Variants in CLEC16A observed in about 807,000 individuals in gnomAD.
CLEC16A encodes the protein protein CLEC16A.
A neutral mutation model predicts 109.5 loss-of-function variants in CLEC16A; 51 were observed. That is an observed-to-expected ratio of 0.47 (90% confidence interval 0.37 to 0.59). CLEC16A has a LOEUF of 0.59. Among genes scored for constraint, CLEC16A ranks in the 20% least tolerant of loss-of-function variants. The pLI is 0.00. For missense variants in CLEC16A, 1,339 were observed against 1,394.0 expected (o/e 0.96, Z 0.63); for synonymous variants, 673 against 564.2 (o/e 1.19, Z -2.73).
chr16:11,131,213 C>G (rs1211263921), intron 22 of CLEC16A, among the ~76,000 whole-genome samples: 1 of 152,190 alleles, frequency 6.6e-6, no homozygotes, highest in East Asian at 1.9e-4. Context: ...CACTCTGTGG[C>G]TTTGAGTGCC....
intron 20 of CLEC16A, 66 bp downstream of exon 20, chr16:11,120,832 ACACACAC>A: frequency 8.3e-7 from 1 of 1,209,464 alleles, no homozygotes; most frequent in East Asian, 2.8e-5. Flanking sequence ...ACACACACAC[ACACACAC>A]CACACACAAT....
chr16:11,006,387 G>A (rs1395655067), intron 11 of CLEC16A, among the ~76,000 whole-genome samples: 2 of 152,168 alleles, frequency 1.3e-5, no homozygotes, highest in African/African-American at 4.8e-5. Flanking sequence ...CTGTATTTCT[G>A]GGTACTCCCC....
chr16:11,045,148 A>G (rs997970140), intron 16 of CLEC16A, among the ~76,000 whole-genome samples: 1 of 151,956 alleles, frequency 6.6e-6, no homozygotes. Flanking sequence ...GACCAAGACC[A>G]TTCTGGCTAA....
At chr16:10,981,245 A>G (rs1198076320) in intron 9 of CLEC16A, among the ~76,000 whole-genome samples, 1 of 152,234 alleles carries the variant, frequency 6.6e-6, no homozygotes, top group East Asian at 1.9e-4. Context: ...CGTAACGGAT[A>G]TTTGAGAATG....
chr16:11,017,999 T>TAAAAAAAAA (rs34526192), intron 11 of CLEC16A, among the ~76,000 whole-genome samples: 1 of 138,800 alleles, frequency 7.2e-6, no homozygotes, highest in African/African-American at 2.6e-5. Flanking sequence ...AAAGAGGTAT[T>TAAAAAAAAA]AAAAAAAAAA....
At chr16:11,061,204 G>C (rs1216770062) in intron 19 of CLEC16A, among the ~76,000 whole-genome samples, 182 bp downstream of exon 19, 1 of 152,138 alleles carries the variant, frequency 6.6e-6, no homozygotes, top group Non-Finnish European at 1.5e-5. Flanking sequence ...AAAGGCCCCT[G>C]GGTTCTCTGA....
intron 22 of CLEC16A, among the ~76,000 whole-genome samples, chr16:11,158,911 C>A (rs1175529617): frequency 8.9e-6 from 1 of 112,642 alleles, no homozygotes; most frequent in East Asian, 2.2e-4. Flanking sequence ...CAGAGCGAGA[C>A]TCCAGCTCAG....
At chr16:11,137,587 T>TA (rs5815617) in intron 22 of CLEC16A, among the ~76,000 whole-genome samples, 12,108 of 59,108 alleles carry the variant, frequency 0.2, 1,672 homozygotes, top group Non-Finnish European at 0.27. Context: ...AGACTCCATC[T>TA]AAAAAAAAAA....
intron 22 of CLEC16A, among the ~76,000 whole-genome samples, chr16:11,133,368 C>CAGGA (rs1597503559): frequency 1.3e-5 from 2 of 151,350 alleles, no homozygotes; most frequent in East Asian, 3.9e-4. Context: ...TTTTTTGACT[C>CAGGA]TCCTGAGTAT....
rs1028746823 is a variant in CLEC16A, at chr16:10,944,591, G to C, written c.-127G>C. 4 of 894,834 alleles carry C rather than the reference G, an allele frequency of 4.5e-6. No homozygotes were observed. Among genetic ancestry groups the C allele is most frequent in the Non-Finnish European group, 5.1e-6 (3 of 588,330 alleles). 55.4% of individuals were successfully genotyped at this position (894,834 alleles called of 1,614,324 possible). ...TGCTGGGCTGTGGGCCGGGGAGGAA[G>C]GCGGCTCGCGGTTCCTCCACCGCCT... On this transcript the variant is annotated 5_prime_UTR_variant, in exon 1 of 24. Coordinates refer to ENST00000409790, the MANE Select transcript of CLEC16A (RefSeq NM_015226.3).
chr16:11,066,137 C>A (rs886256795), intron 19 of CLEC16A, among the ~76,000 whole-genome samples: 5 of 152,030 alleles, frequency 3.3e-5, no homozygotes, highest in African/African-American at 4.8e-5. Flanking sequence ...ACTGAGTCTC[C>A]CGGCACTTCA....
intron 22 of CLEC16A, among the ~76,000 whole-genome samples, chr16:11,165,485 C>G (rs2068219600): frequency 6.6e-6 from 1 of 152,126 alleles, no homozygotes; most frequent in African/African-American, 2.4e-5. Context: ...GAGTGAAACC[C>G]TATCGCAAAA....
At position 10,962,469 on chromosome 16, in the gene CLEC16A, A is replaced by G. The variant is rs200973931; in HGVS notation, c.224A>G (p.Lys75Arg). 7.4e-6 allele frequency: 12 copies of G among 1,613,972 alleles called. No homozygotes were observed. Among genetic ancestry groups the G allele is most frequent in the Middle Eastern group, 3.3e-4 (2 of 6,062 alleles). Reference sequence around the variant, plus strand: ...TCTCTCCCCAGCTTCTTCCTGGAGAAGAATATGTTTGTTTTCTTCTTGAAC... The same window carrying G: ...TCTCTCCCCAGCTTCTTCCTGGAGAGGAATATGTTTGTTTTCTTCTTGAAC... ...DSSVFDFFLEKNMFVFFLNIL... is the reference protein window; with the variant it reads ...DSSVFDFFLERNMFVFFLNIL... The change falls in exon 3 of 24, where the codon AAG (lysine) becomes AGG (arginine). Residue 75 changes from lysine to arginine, a missense_variant. Coordinates refer to ENST00000409790, the MANE Select transcript of CLEC16A (RefSeq NM_015226.3).
At chr16:11,120,828 A>G in intron 20 of CLEC16A, 62 bp downstream of exon 20, 7 of 1,255,050 alleles carry the variant, frequency 5.6e-6, no homozygotes, top group African/African-American at 1.5e-5. Flanking sequence ...ACACACACAC[A>G]CACACACACA....
Position 11,133,353 on chromosome 16 carries a change from A to AGTT in CLEC16A, c.2641+7207_2641+7208insGTT, listed in dbSNP as rs1555498410. 1.3e-3 allele frequency among the ~76,000 whole-genome samples: 188 copies of AGTT among 149,206 alleles called. 1 individual carries two copies. The highest frequency in any genetic ancestry group is 4.0e-3 in the African/African-American group (161 of 40,498). ...GACTCTGTCTCAAAAAAAAAAAAAA[A>AGTT]TTTTTTTTTTGACTCTCCTGAGTAT... is the stretch of plus-strand genomic sequence containing the variant. On this transcript the variant is annotated intron_variant, in intron 22 of 23. Transcript: ENST00000409790.
At chr16:11,164,446 C>T (rs1331671482) in intron 22 of CLEC16A, among the ~76,000 whole-genome samples, 2 of 152,218 alleles carry the variant, frequency 1.3e-5, no homozygotes, top group Non-Finnish European at 2.9e-5. Flanking sequence ...AAGCCCTAAG[C>T]TGAGCCGCAG....
chr16:11,017,700 A>T (rs1168040923), intron 11 of CLEC16A, among the ~76,000 whole-genome samples: 1 of 152,174 alleles, frequency 6.6e-6, no homozygotes, highest in African/African-American at 2.4e-5. Context: ...TGTGATGAGA[A>T]GGGTACTTCC....
At chr16:11,092,043 G>T (rs1003317114) in intron 19 of CLEC16A, among the ~76,000 whole-genome samples, 1 of 152,020 alleles carries the variant, frequency 6.6e-6, no homozygotes, top group African/African-American at 2.4e-5. Context: ...CAGAAAACAA[G>T]CTCCTTAAAA....
At chr16:10,968,781 G>C (rs144897226) in intron 3 of CLEC16A, among the ~76,000 whole-genome samples, 13 of 152,264 alleles carry the variant, frequency 8.5e-5, no homozygotes, top group African/African-American at 1.9e-4. Flanking sequence ...GATTTGTGAT[G>C]GCAGAAGGGG....
Sources: gnomAD v4.1 joint callset for allele counts (sites outside exome capture counted in the v4.1 genomes callset) on GRCh38, gnomAD v4.1.1 for gene constraint, MANE v1.5 for transcripts, NCBI Gene and HGNC (gene_info 2026-07-23, HGNC 2026-07-21) for gene names.